MYOM1: variants seen among roughly 807,000 people sequenced by gnomAD.
The protein encoded by MYOM1 is myomesin 1.
Under a neutral mutation model 205.3 loss-of-function variants are expected in MYOM1, and 164 were observed. The ratio of observed to expected loss-of-function variants is 0.80; its 90% CI spans 0.70 to 0.91. The LOEUF is 0.91. Ranked by LOEUF, MYOM1 falls within the 40% of genes least tolerant of loss-of-function variation. MYOM1 has a pLI of 0.00. For synonymous variants in MYOM1, 772 were observed against 789.4 expected, an observed-to-expected ratio of 0.98 and a Z score of 0.37; for missense variants, 2,011 against 2,127.3, an observed-to-expected ratio of 0.95 and a Z score of 1.08.
intron 10 of MYOM1, among the ~76,000 whole-genome samples, chr18:3,161,132 G>GCTAAT (rs2080385261): frequency 6.6e-6 from 1 of 152,208 alleles, no homozygotes; most frequent in Non-Finnish European, 1.5e-5. Context: ...TAATTGCAGT[G>GCTAAT]TGTTGGTTCT....
rs201824158 is a variant in MYOM1, at chr18:3,168,941, G to T, written c.1215C>A (p.Ile405=). 6.4e-5 allele frequency: 104 copies of T among 1,613,578 alleles called. No homozygotes were observed. The highest frequency in any genetic ancestry group is 5.4e-5 in the Non-Finnish European group (64 of 1,179,754). Reference sequence around the variant, plus strand: ...ACACATCAAATTTGTCATCAAAGTGGATCTCAAACCGGGATGCATAACCAT... The same window carrying T: ...ACACATCAAATTTGTCATCAAAGTGTATCTCAAACCGGGATGCATAACCAT... ...TPYGYASRFE[I]HFDDKFDVSF... is the part of the protein sequence containing the mutation. Residue 405 remains isoleucine (I), a synonymous_variant, in exon 9 of 38, where the codon ATC becomes ATA. Coordinates refer to ENST00000356443, the MANE Select transcript of MYOM1 (RefSeq NM_003803.4).
chr18:3,082,370 C>T (rs903481140), intron 33 of MYOM1, among the ~76,000 whole-genome samples: 11 of 152,182 alleles, frequency 7.2e-5, no homozygotes, highest in African/African-American at 2.7e-4. Flanking sequence ...GCTGTGTGAC[C>T]TTAGGCCGGT....
Position 3,094,764 on chromosome 18 carries a change from C to T in MYOM1, c.3728-458G>A, listed in dbSNP as rs541861717. On this transcript the variant is annotated intron_variant, in intron 25 of 37. Coordinates refer to ENST00000356443, the MANE Select transcript of MYOM1 (RefSeq NM_003803.4). The stretch of plus-strand genomic sequence containing the variant: ...GCAACCTCTGCCTCCTGGGTTCAGG[C>T]GATCCTCTCACCTCCGCCTCCTGAG... 8.6e-5 allele frequency among the ~76,000 whole-genome samples: 13 copies of T among 151,790 alleles called. No individual in the cohort carries two copies. The East Asian group carries it at 1.7e-3, about 20-fold the overall frequency.
chr18:3,215,066 G>T lies in MYOM1; in HGVS notation c.158C>A (p.Ala53Glu), dbSNP rs747035411. Residue 53 changes from alanine to glutamate, a missense_variant, in exon 2 of 38, where the codon GCG becomes GAG. Transcript: ENST00000356443. ...GAAGGCCTCGGACTCCCGGCGGTGC[G>T]CGGCGGAGGAGCGGCTGCTGTAGGC... ...STAYSSRSSA[A>E]HRRESEAFRR... The T allele has an allele frequency of 1.2e-6, 2 of 1,613,398 alleles. No individual in the cohort carries two copies. The highest frequency in any genetic ancestry group is 2.7e-5 in the African/African-American group (2 of 74,934).
In MYOM1 at chr18:3,102,549, G is replaced by T. The variant is rs1328271418; in HGVS notation, c.3500C>A (p.Ser1167Tyr). Residue 1167 changes from serine to tyrosine, a missense_variant, in exon 23 of 38, where the codon TCC (serine) becomes TAC (tyrosine). Transcript: ENST00000356443. ...ATAATCTTTGGACCAGGAGAACTCGGACTTTGGAGTCATCTTATCACACTC... is the reference window on the plus strand; with the variant it reads ...ATAATCTTTGGACCAGGAGAACTCGTACTTTGGAGTCATCTTATCACACTC... ...NFECDKMTPK[S>Y]EFSWSKDYVS... 6.2e-7 allele frequency: 1 copy of T among 1,613,894 alleles called. No homozygotes were observed. Among genetic ancestry groups the T allele is most frequent in the South Asian group, 1.1e-5 (1 of 91,074 alleles).
At chr18:3,155,285 G>A (rs527293215) in intron 10 of MYOM1, among the ~76,000 whole-genome samples, 197 bp from the exon 11 acceptor site, 66 of 152,244 alleles carry the variant, frequency 4.3e-4, no homozygotes, top group African/African-American at 1.5e-3. Context: ...GCAGAGGTGG[G>A]ATCTCAGCTC....
At chr18:3,138,299 G>C (rs2079999392) in intron 14 of MYOM1, among the ~76,000 whole-genome samples, 1 of 149,672 alleles carries the variant, frequency 6.7e-6, no homozygotes, top group Non-Finnish European at 1.5e-5. Context: ...TTGACCAGCT[G>C]TCAGGATGGT....
At chr18:3,103,345 C>T (rs990684270) in intron 22 of MYOM1, among the ~76,000 whole-genome samples, 1 of 152,176 alleles carries the variant, frequency 6.6e-6, no homozygotes, top group African/African-American at 2.4e-5. Flanking sequence ...AGAGATTCAG[C>T]TCTTTCAGGA....
At chr18:3,205,473 C>CA (rs2081114494) in intron 2 of MYOM1, among the ~76,000 whole-genome samples, 1 of 152,074 alleles carries the variant, frequency 6.6e-6, no homozygotes, top group African/African-American at 2.4e-5. Flanking sequence ...AGATGGTTAA[C>CA]AAAATTGGTC....
At chr18:3,193,347 CAT>C (rs546949478) in intron 3 of MYOM1, among the ~76,000 whole-genome samples, 151 of 140,734 alleles carry the variant, frequency 1.1e-3, no homozygotes, top group Middle Eastern at 3.9e-3. Context: ...TGTACATATA[CAT>C]ATATATATAT....
chr18:3,105,369 T>G (rs1264057836), intron 22 of MYOM1, among the ~76,000 whole-genome samples: 2 of 152,182 alleles, frequency 1.3e-5, no homozygotes, highest in Non-Finnish European at 2.9e-5. Flanking sequence ...CCAAGAAGGA[T>G]GAAAAGCTCT....
At chr18:3,140,811 T>A (rs1489350149) in intron 14 of MYOM1, among the ~76,000 whole-genome samples, 1 of 152,092 alleles carries the variant, frequency 6.6e-6, no homozygotes, top group Non-Finnish European at 1.5e-5. Context: ...TAAAAAAAAA[T>A]TCTACGATTT....
chr18:3,214,783 G>C, intron 2 of MYOM1, 151 bp downstream of exon 2: 1 of 821,686 alleles, frequency 1.2e-6, no homozygotes, highest in Non-Finnish European at 1.8e-6. Flanking sequence ...CCGAGATCAC[G>C]CCATTGCACT....
Position 3,089,168 on chromosome 18 carries a change from T to G in MYOM1, c.4137+6A>C. 1.3e-6 allele frequency: 2 copies of G among 1,599,764 alleles called. No individual in the cohort carries two copies. Among genetic ancestry groups the G allele is most frequent in the South Asian group, 2.2e-5 (2 of 89,888 alleles). On this transcript the variant is annotated splice_donor_region_variant and intron_variant, in intron 29 of 37. Coordinates refer to ENST00000356443, the MANE Select transcript of MYOM1 (RefSeq NM_003803.4). ...ATCAAATATTAAAAATTTATCTACC[T>G]CTTACCTTGCATTTCAATAGTACAT...
Position 3,187,614 on chromosome 18 carries a change from A to G in MYOM1, c.795T>C (p.His265=). 4 of 1,609,984 alleles carry G rather than the reference A, an allele frequency of 2.5e-6. No individual in the cohort carries two copies. Among genetic ancestry groups the G allele is most frequent in the Non-Finnish European group, 3.4e-6 (4 of 1,176,758 alleles). The change falls in exon 5 of 38, where the codon CAT becomes CAC. Residue 265 remains histidine (H), a synonymous_variant. Coordinates refer to ENST00000356443, the MANE Select transcript of MYOM1 (RefSeq NM_003803.4). ...GAAGATGGTCTTCATTCAGCTTGGCATGATATGTCTCGGTTTCTTCTAACT... is the reference window on the plus strand; with the variant it reads ...GAAGATGGTCTTCATTCAGCTTGGCGTGATATGTCTCGGTTTCTTCTAACT... ...RKTLEETETY[H]AKLNEDHLLH...
intron 37 of MYOM1, among the ~76,000 whole-genome samples, chr18:3,069,122 C>A (rs142452325): frequency 6.6e-6 from 1 of 151,944 alleles, no homozygotes; most frequent in East Asian, 1.9e-4. Context: ...TTTTTCTGAG[C>A]GGCTATACAA....
intron 19 of MYOM1, among the ~76,000 whole-genome samples, chr18:3,123,549 A>C (rs989162545): frequency 1.3e-5 from 2 of 151,978 alleles, no homozygotes. Context: ...TTTAAATGTC[A>C]ATTATTCCTT....
intron 34 of MYOM1, among the ~76,000 whole-genome samples, chr18:3,076,955 A>G (rs893202938): frequency 1.0e-4 from 15 of 146,852 alleles, no homozygotes; most frequent in Non-Finnish European, 1.9e-4. Flanking sequence ...CTCGTGATCC[A>G]CCCGCTTTGG....
At position 3,149,376 on chromosome 18, in the gene MYOM1, C is replaced by G. The variant is rs543810161; in HGVS notation, c.1844-175G>C. 3.3e-5 allele frequency among the ~76,000 whole-genome samples: 5 copies of G among 152,272 alleles called. No homozygotes were observed. In the South Asian group the frequency reaches 6.2e-4, roughly 19 times the overall value. ...TAGAGGGCACTGTGGGAAGCACAGC[C>G]CCGGTCCTCAAGGGACTCATAATCT... On this transcript the variant is annotated intron_variant, in intron 12 of 37. Coordinates refer to ENST00000356443, the MANE Select transcript of MYOM1 (RefSeq NM_003803.4).
Sources: gnomAD v4.1 joint callset for allele counts (sites outside exome capture counted in the v4.1 genomes callset) on GRCh38, gnomAD v4.1.1 for gene constraint, MANE v1.5 for transcripts, NCBI Gene and HGNC (gene_info 2026-07-23, HGNC 2026-07-21) for gene names.